Variants in MAPK14 observed in about 807,000 individuals in gnomAD.
The protein encoded by MAPK14 is CSAID-binding protein.
In MAPK14, 16 loss-of-function variants were observed where a neutral mutation model predicts 49.6. That is an observed-to-expected ratio of 0.32 (90% CI 0.22 to 0.49). The LOEUF (loss-of-function observed/expected upper bound fraction) is 0.49, where lower values mean the gene tolerates loss of function less well. MAPK14 is among the 20% of genes least tolerant of loss of function. The pLI is 0.99. For missense variants in MAPK14, 200 were observed against 441.2 expected (o/e 0.45, Z 4.90); for synonymous variants, 142 against 158.0 (o/e 0.90, Z 0.76).
intron 1 of MAPK14, among the ~76,000 whole-genome samples, chr6:36,045,719 G>A (rs1399913015): frequency 6.8e-6 from 1 of 147,548 alleles, no homozygotes; most frequent in Admixed American, 6.9e-5. Flanking sequence ...TGAGGCAGGA[G>A]AATGGCGTGA....
At chr6:36,061,385 G>T (rs978941331) in intron 3 of MAPK14, among the ~76,000 whole-genome samples, 2 of 152,166 alleles carry the variant, frequency 1.3e-5, no homozygotes, top group Non-Finnish European at 2.9e-5. Flanking sequence ...ACTGATAGTG[G>T]TGCCTTTGTT....
At chr6:36,076,863 C>A in intron 8 of MAPK14, 1 of 339,090 alleles carries the variant, frequency 2.9e-6, no homozygotes, top group East Asian at 5.5e-5. Flanking sequence ...TGCAACAGTC[C>A]CTTATTAATC....
At chr6:36,115,435 A>T (rs1766044256), downstream of MAPK14, among the ~76,000 whole-genome samples, 1 of 152,256 alleles carries the variant, frequency 6.6e-6, no homozygotes, top group African/African-American at 2.4e-5. Context: ...CACAATTTCA[A>T]AGAAAATATA....
chr6:36,102,591 T>G lies in MAPK14; in HGVS notation c.783T>G (p.Ser261=). ...SSESARNYIQ[S]LTQMPKMNFA... is the part of the protein sequence containing the mutation. ...TTCAGGCAAGAAACTATATTCAGTC[T>G]TTGACTCAGATGCCGAAGATGAACT... The change falls in exon 10 of 12, where the codon TCT becomes TCG. Residue 261 remains serine (S), a synonymous_variant. Transcript: ENST00000229794. 1 of 1,613,626 alleles carries G rather than the reference T, an allele frequency of 6.2e-7. No homozygotes were observed. Among genetic ancestry groups the G allele is most frequent in the South Asian group, 1.1e-5 (1 of 90,850 alleles).
chr6:36,116,999 GT>G, the MAPK14 span, among the ~76,000 whole-genome samples: 18 of 152,140 alleles, frequency 1.2e-4, no homozygotes, highest in Non-Finnish European at 2.2e-4. Context: ...TCCTCTTTTG[GT>G]TTTTTTAAAG....
At chr6:36,065,021 T>G (rs1011554629) in intron 3 of MAPK14, among the ~76,000 whole-genome samples, 10 of 152,240 alleles carry the variant, frequency 6.6e-5, no homozygotes, top group Admixed American at 2.0e-4. Flanking sequence ...TTTCTGTTAT[T>G]GCCCTGGAAC....
intron 9 of MAPK14, among the ~76,000 whole-genome samples, chr6:36,101,340 A>G (rs1460645731): frequency 1.3e-5 from 2 of 152,186 alleles, no homozygotes; most frequent in Non-Finnish European, 2.9e-5. Flanking sequence ...TGGGAAGCTG[A>G]GGCAGGAGGG....
intron 8 of MAPK14, among the ~76,000 whole-genome samples, chr6:36,079,848 G>A (rs757828607): frequency 2.0e-5 from 3 of 152,182 alleles, no homozygotes; most frequent in South Asian, 2.1e-4. Context: ...GAGCAGTAAC[G>A]TTGTGGAGAA....
intron 1 of MAPK14, among the ~76,000 whole-genome samples, chr6:36,035,967 T>A (rs1033351557): frequency 8.5e-5 from 13 of 152,298 alleles, no homozygotes; most frequent in Non-Finnish European, 1.6e-4. Flanking sequence ...CTAACACCTG[T>A]AATTTCAGCA....
intron 10 of MAPK14, 159 bp downstream of exon 10, chr6:36,102,808 A>AT (rs973932899): frequency 1.3e-3 from 1,705 of 1,281,732 alleles, no homozygotes; most frequent in Non-Finnish European, 1.5e-3. Flanking sequence ...GTGTTGTCAG[A>AT]TTTTTTTTTA....
intron 8 of MAPK14, among the ~76,000 whole-genome samples, chr6:36,079,186 AT>A (rs1581802116): frequency 1.3e-5 from 2 of 152,340 alleles, no homozygotes; most frequent in East Asian, 3.9e-4. Context: ...TTTTTAATAG[AT>A]GGGGAAACCA....
At chr6:36,093,671 A>G (rs1350447572) in intron 8 of MAPK14, among the ~76,000 whole-genome samples, 1 of 145,968 alleles carries the variant, frequency 6.9e-6, no homozygotes, top group African/African-American at 2.5e-5. Flanking sequence ...GTGAGCCGAG[A>G]TCGCGCCACT....
At chr6:36,097,356 G>C (rs190855326) in intron 9 of MAPK14, 1 of 152,294 alleles carries the variant, frequency 6.6e-6, no homozygotes, top group Admixed American at 6.5e-5. Flanking sequence ...ACACTATTTT[G>C]AAAGTCATTG....
At chr6:36,073,509 C>T in intron 4 of MAPK14, among the ~76,000 whole-genome samples, 182 bp from the exon 5 acceptor site, 1 of 152,174 alleles carries the variant, frequency 6.6e-6, no homozygotes, top group East Asian at 1.9e-4. Context: ...TGAGTGGAGT[C>T]AATGGCTGTG....
At chr6:36,049,404 C>T (rs1226840348) in intron 1 of MAPK14, among the ~76,000 whole-genome samples, 1 of 152,104 alleles carries the variant, frequency 6.6e-6, no homozygotes, top group Non-Finnish European at 1.5e-5. Flanking sequence ...GCTGCCGGTC[C>T]ATGGAGCACA....
At chr6:36,039,334 C>T (rs1762868592) in intron 1 of MAPK14, among the ~76,000 whole-genome samples, 1 of 152,210 alleles carries the variant, frequency 6.6e-6, no homozygotes, top group Non-Finnish European at 1.5e-5. Flanking sequence ...TCTAGACCTG[C>T]TGTCTGAGTA....
chr6:36,074,866 G>T (rs1764458788), intron 6 of MAPK14, among the ~76,000 whole-genome samples: 1 of 151,588 alleles, frequency 6.6e-6, no homozygotes, highest in Non-Finnish European at 1.5e-5. Flanking sequence ...CACCTGCCTC[G>T]GCCTCTCAAA....
chr6:36,068,578 T>G (rs58237753), intron 3 of MAPK14, among the ~76,000 whole-genome samples: 17,875 of 152,098 alleles, frequency 0.12, 1,147 homozygotes, highest in African/African-American at 0.17. Flanking sequence ...TAAATGGGTT[T>G]TTTTGTTTTG....
chr6:36,055,134 A>G (rs1424774321), intron 2 of MAPK14, among the ~76,000 whole-genome samples: 1 of 152,182 alleles, frequency 6.6e-6, no homozygotes, highest in Non-Finnish European at 1.5e-5. Context: ...TGAACTTCTG[A>G]CCTTGATCTC....
Sources: gnomAD v4.1 joint callset for allele counts (sites outside exome capture counted in the v4.1 genomes callset) on GRCh38, gnomAD v4.1.1 for gene constraint, MANE v1.5 for transcripts, NCBI Gene and HGNC (gene_info 2026-07-23, HGNC 2026-07-21) for gene names.